Variants in MACROD2 observed in about 807,000 individuals in gnomAD.
The protein encoded by MACROD2 is ADP-ribose glycohydrolase MACROD2.
A neutral mutation model predicts 70.4 loss-of-function variants in MACROD2; 36 were observed. The observed-to-expected ratio is 0.51, with a 90% CI of 0.39 to 0.68. MACROD2 has a LOEUF of 0.68. MACROD2 is among the 30% of genes least tolerant of loss of function. MACROD2 has a pLI of 0.00. For missense variants in MACROD2, 496 were observed against 538.4 expected (o/e 0.92, Z 0.78); for synonymous variants, 172 against 178.8 (o/e 0.96, Z 0.30).
In MACROD2 at chr20:13,995,656, C is replaced by A; in HGVS notation, c.-108C>A. On this transcript the variant is annotated 5_prime_UTR_variant, in exon 1 of 18. Coordinates refer to ENST00000684519, the MANE Select transcript of MACROD2 (RefSeq NM_001351661.2). The surrounding 1 kb of genome is among the most constrained non-coding windows in gnomAD (Gnocchi z 4.3). ...AGCGCAGGACGCAGAGCCTCTTTCA[C>A]TTTTTCCCTGCTGAGTGCCCCCTCC... 1.0e-6 allele frequency: 1 copy of A among 983,004 alleles called. No individual in the cohort carries two copies. The highest frequency in any genetic ancestry group is 1.6e-6 in the Non-Finnish European group (1 of 617,032). The allele number at this position is 983,004 out of a possible 1,614,324, so 60.9% of individuals were successfully genotyped here.
At chr20:15,995,430 A>C (rs2066614469) in intron 15 of MACROD2, among the ~76,000 whole-genome samples, 1 of 151,436 alleles carries the variant, frequency 6.6e-6, no homozygotes, top group Non-Finnish European at 1.5e-5. Context: ...GCTCACTGCA[A>C]GCTCCGCCTC....
intron 2 of MACROD2, among the ~76,000 whole-genome samples, chr20:14,033,424 T>C (rs1387741405): frequency 6.6e-6 from 1 of 152,158 alleles, no homozygotes; most frequent in Non-Finnish European, 1.5e-5. Flanking sequence ...TGATACACTT[T>C]TCCAGACTGA....
At chr20:15,556,006 C>G (rs751060447) in intron 8 of MACROD2, among the ~76,000 whole-genome samples, 1 of 152,078 alleles carries the variant, frequency 6.6e-6, no homozygotes, top group Non-Finnish European at 1.5e-5. Context: ...TTATTTCTCT[C>G]AGGTCCTAAA....
At chr20:14,432,183 T>C (rs1251018659) in intron 3 of MACROD2, among the ~76,000 whole-genome samples, 2 of 152,178 alleles carry the variant, frequency 1.3e-5, no homozygotes, top group Non-Finnish European at 2.9e-5. Context: ...CTAGCCATGC[T>C]GTTCCTGGAC....
chr20:14,900,474 T>C (rs1231625695), intron 5 of MACROD2, among the ~76,000 whole-genome samples: 1 of 152,112 alleles, frequency 6.6e-6, no homozygotes, highest in Admixed American at 6.5e-5. Flanking sequence ...TTATTACAAG[T>C]CAATCTCTTT....
chr20:15,225,877 T>G (rs1331032282), intron 5 of MACROD2, among the ~76,000 whole-genome samples: 2 of 152,198 alleles, frequency 1.3e-5, no homozygotes, highest in Non-Finnish European at 2.9e-5. Flanking sequence ...CATATTATCT[T>G]TAGGATATAT....
At chr20:15,804,579 A>G (rs1046735070) in intron 8 of MACROD2, among the ~76,000 whole-genome samples, 1 of 152,204 alleles carries the variant, frequency 6.6e-6, no homozygotes, top group African/African-American at 2.4e-5. Flanking sequence ...TGCGTTGTCA[A>G]AAGTCACTAA....
chr20:14,976,542 T>C (rs1313389957), intron 5 of MACROD2, among the ~76,000 whole-genome samples: 1 of 152,166 alleles, frequency 6.6e-6, no homozygotes, highest in African/African-American at 2.4e-5. Flanking sequence ...GGTCTTTAGC[T>C]TAACCCAATC....
rs372869818 is a variant in MACROD2, at chr20:14,293,711, G to A, written c.272-199768G>A. Among the ~76,000 whole-genome samples, 29 of 151,832 alleles carry A rather than the reference G, an allele frequency of 1.9e-4. No homozygotes were observed. The South Asian group carries it at 5.8e-3, about 31-fold the overall frequency. On this transcript the variant is annotated intron_variant, in intron 3 of 17. Coordinates refer to ENST00000684519, the MANE Select transcript of MACROD2 (RefSeq NM_001351661.2). ...TGGAGGTTTTTAAGGCAGCATTTTG[G>A]CAGATGTGTGATAGTCCAGCAAAGA...
In MACROD2 at chr20:15,716,780, A is replaced by T. The variant is rs557365867; in HGVS notation, c.646-145965A>T. 1.1e-4 allele frequency among the ~76,000 whole-genome samples: 17 copies of T among 152,328 alleles called. No homozygotes were observed. In the East Asian group the frequency reaches 3.3e-3, roughly 29 times the overall value. On this transcript the variant is annotated intron_variant, in intron 8 of 17. Coordinates refer to ENST00000684519, the MANE Select transcript of MACROD2 (RefSeq NM_001351661.2). ...CACTTTTGGAGGCATTATCCTTTATAACAGGCCCTAAGTGAAAAGGAGGAA... is the reference window on the plus strand; with the variant it reads ...CACTTTTGGAGGCATTATCCTTTATTACAGGCCCTAAGTGAAAAGGAGGAA...
chr20:15,643,515 C>A (rs2049493767), intron 8 of MACROD2, among the ~76,000 whole-genome samples: 1 of 151,878 alleles, frequency 6.6e-6, no homozygotes, highest in East Asian at 1.9e-4. Context: ...TATGTCATTG[C>A]ACGTTTGTCA....
chr20:15,660,875 A>C (rs1319953056), intron 8 of MACROD2, among the ~76,000 whole-genome samples: 1 of 152,108 alleles, frequency 6.6e-6, no homozygotes, highest in Non-Finnish European at 1.5e-5. Flanking sequence ...AAAAGCCTTT[A>C]GTTTGTAAAT....
intron 2 of MACROD2, among the ~76,000 whole-genome samples, chr20:14,038,295 C>CAA (rs56831426): frequency 5.9e-4 from 82 of 139,278 alleles, no homozygotes; most frequent in African/African-American, 9.8e-4. Context: ...GACTCCGTCT[C>CAA]AAAAAAAAAA....
chr20:15,630,227 G>A (rs1039554189), intron 8 of MACROD2, among the ~76,000 whole-genome samples: 5 of 152,218 alleles, frequency 3.3e-5, no homozygotes, highest in Non-Finnish European at 5.9e-5. Flanking sequence ...TGCAGAGGAA[G>A]CCAGACAAGA....
chr20:15,741,258 ATT>A (rs1212650313), intron 8 of MACROD2, among the ~76,000 whole-genome samples: 17 of 140,074 alleles, frequency 1.2e-4, no homozygotes, highest in South Asian at 2.3e-4. Flanking sequence ...CACCCGGCTA[ATT>A]TTTTTTTTTT....
chr20:15,884,561 T>C (rs2064798384), intron 9 of MACROD2, among the ~76,000 whole-genome samples: 1 of 152,008 alleles, frequency 6.6e-6, no homozygotes, highest in African/African-American at 2.4e-5. Context: ...AAGACTGATT[T>C]GGCAGTCACG....
intron 5 of MACROD2, among the ~76,000 whole-genome samples, chr20:14,997,349 G>A (rs2074958727): frequency 6.6e-6 from 1 of 152,062 alleles, no homozygotes; most frequent in Non-Finnish European, 1.5e-5. Context: ...ATCTAGTCTT[G>A]GCAAGATTCA....
At chr20:15,901,631 C>G (rs1361937327) in intron 10 of MACROD2, among the ~76,000 whole-genome samples, 1 of 152,166 alleles carries the variant, frequency 6.6e-6, no homozygotes, top group African/African-American at 2.4e-5. Context: ...GTATTTTCAA[C>G]CTACAATGGG....
chr20:15,912,204 G>C (rs997203778), intron 10 of MACROD2, among the ~76,000 whole-genome samples: 1 of 152,196 alleles, frequency 6.6e-6, no homozygotes, highest in Non-Finnish European at 1.5e-5. Context: ...TCTCTGGATT[G>C]TCTGGTAACC....
Sources: allele counts gnomAD v4.1 joint callset (sites outside exome capture counted in the v4.1 genomes callset), GRCh38; gene constraint gnomAD v4.1.1; non-coding constraint Gnocchi (gnomAD v3.1); transcripts MANE v1.5; gene names NCBI Gene and HGNC (gene_info 2026-07-23, HGNC 2026-07-21).